Variants in NXF1 observed in about 807,000 individuals in gnomAD.
NXF1 encodes the protein nuclear RNA export factor 1, also known as mRNA export factor TAP.
In NXF1, 43 loss-of-function variants were observed where a neutral mutation model predicts 92.4. The ratio of observed to expected loss-of-function variants is 0.47; its 90% CI spans 0.36 to 0.60. The LOEUF (loss-of-function observed/expected upper bound fraction) is 0.60. NXF1 is among the 20% of genes least tolerant of loss of function. The pLI, the probability that NXF1 is intolerant of heterozygous loss-of-function variation, is 0.00. For synonymous variants in NXF1, 288 were observed against 292.2 expected (o/e 0.99, Z 0.15); for missense variants, 576 against 793.0 (o/e 0.73, Z 3.29).
chr11:62,794,238 T>C lies in NXF1; in HGVS notation c.1760+20A>G, dbSNP rs760568773. ...GCCCTACTTCAGTGCATCCCCATCC[T>C]ACACATGCCCCGCACTCACTTCTGG... On this transcript the variant is annotated intron_variant, in intron 19 of 20. Coordinates refer to ENST00000294172, the MANE Select transcript of NXF1 (RefSeq NM_006362.5). 2 of 1,603,200 alleles carry C rather than the reference T, an allele frequency of 1.2e-6. No homozygotes were observed. The highest frequency in any genetic ancestry group is 1.7e-6 in the Non-Finnish European group (2 of 1,171,016).
intron 13 of NXF1, 108 bp from the exon 14 acceptor site, chr11:62,796,675 T>A: frequency 1.4e-6 from 1 of 726,062 alleles, no homozygotes; most frequent in Non-Finnish European, 2.4e-6. Context: ...CTCATGCCTG[T>A]AATCCCAGCA....
In NXF1 at chr11:62,802,268, TGAGA is replaced by T. The variant is rs1397543084; in HGVS notation, c.370-12_370-9del. The T allele has an allele frequency of 6.2e-7, 1 of 1,612,034 alleles. No homozygotes were observed. The highest frequency in any genetic ancestry group is 1.1e-5 in the South Asian group (1 of 91,006). On this transcript the variant is annotated splice_polypyrimidine_tract_variant and intron_variant, in intron 3 of 20. Coordinates refer to ENST00000294172, the MANE Select transcript of NXF1 (RefSeq NM_006362.5). ...CTTTCTGCCATAAGGAATCTAGAAA[TGAGA>T]GAAAGAGAAAAGAAGGGAATGATAA...
rs1415287127 is a variant in NXF1 at position 62,803,890 on chromosome 11, C to T, written c.117G>A (p.Arg39=). ...GAATACCAGAACCGCCTCTTCCAGACCTACGGTTTCCTTCACCATATTTCC... is the reference window on the plus strand; with the variant it reads ...GAATACCAGAACCGCCTCTTCCAGATCTACGGTTTCCTTCACCATATTTCC... The part of the protein sequence containing the change: ...FRWKYGEGNR[R]SGRGGSGIRS... Residue 39 remains arginine, a synonymous_variant, in exon 2 of 21, where the codon AGG becomes AGA. Coordinates refer to ENST00000294172, the MANE Select transcript of NXF1 (RefSeq NM_006362.5). The T allele has an allele frequency of 6.2e-7, 1 of 1,614,238 alleles. No individual in the cohort carries two copies. The highest frequency in any genetic ancestry group is 1.3e-5 in the African/African-American group (1 of 75,058).
At chr11:62,799,436 G>C (rs1487242492) in intron 10 of NXF1, 1 of 985,512 alleles carries the variant, frequency 1.0e-6, no homozygotes, top group African/African-American at 1.7e-5. Flanking sequence ...AAGGTGTGAG[G>C]GTTCAGGCCC....
chr11:62,797,507 C>A, intron 11 of NXF1, 121 bp from the exon 12 acceptor site: 1 of 833,346 alleles, frequency 1.2e-6, no homozygotes, highest in Non-Finnish European at 1.9e-6. Context: ...TGAGACCAGC[C>A]TGGCTGGACA....
At chr11:62,796,244 T>A in intron 15 of NXF1, 43 bp downstream of exon 15, 1 of 1,613,336 alleles carries the variant, frequency 6.2e-7, no homozygotes, top group Middle Eastern at 1.7e-4. Flanking sequence ...ACTGATTCCT[T>A]CCCATGCCCT....
At position 62,805,312 on chromosome 11, in the gene NXF1, C is replaced by G; in HGVS notation, c.28+17G>C. 1.2e-6 allele frequency: 2 copies of G among 1,600,586 alleles called. No homozygotes were observed. The highest frequency in any genetic ancestry group is 1.7e-6 in the Non-Finnish European group (2 of 1,174,376). Reference sequence around the variant, plus strand: ...CGCCCCAGATAGCCAGTTCCCGACCCGAAGACCAGCACTTACCGCTGTACG... The same window carrying G: ...CGCCCCAGATAGCCAGTTCCCGACCGGAAGACCAGCACTTACCGCTGTACG... On this transcript the variant is annotated intron_variant, in intron 1 of 20. Transcript: ENST00000294172.
At chr11:62,799,792 G>C (rs1017629227) in intron 10 of NXF1, 2 of 985,852 alleles carry the variant, frequency 2.0e-6, no homozygotes, top group Non-Finnish European at 2.4e-6. Flanking sequence ...GGAGAGCCCA[G>C]CTCATAGCAC....
At chr11:62,805,171 C>T (rs1211815911) in intron 1 of NXF1, 158 bp downstream of exon 1, 3 of 550,660 alleles carry the variant, frequency 5.4e-6, no homozygotes, top group East Asian at 3.7e-5. Context: ...CAGGAGTCAA[C>T]AACTCGGGTG....
rs2084466032 is a variant in NXF1, at chr11:62,800,387, T to C, written c.1006A>G (p.Thr336Ala). 6.2e-7 allele frequency: 1 copy of C among 1,613,926 alleles called. No homozygotes were observed. Among genetic ancestry groups the C allele is most frequent in the Non-Finnish European group, 8.5e-7 (1 of 1,179,918 alleles). Reference sequence around the variant, plus strand: ...CAGGCTACAACTGACCTGATGTAGGTGGACTGGTCTCGGAAGGTGTCACAC... The same window carrying C: ...CAGGCTACAACTGACCTGATGTAGGCGGACTGGTCTCGGAAGGTGTCACAC... Reference protein sequence around the residue: ...SLCDTFRDQSTYISAIRERFP... With the variant: ...SLCDTFRDQSAYISAIRERFP... The change falls in exon 10 of 21, where the codon ACC (threonine) becomes GCC (alanine). Residue 336 changes from threonine (T) to alanine (A), a missense_variant. Physicochemically the swap from Thr to Ala is moderately conservative, Grantham distance 58. This residue lies in a region of NXF1 where 425 missense variants were observed against 635.2 expected (regional missense o/e 0.67). Coordinates refer to ENST00000294172, the MANE Select transcript of NXF1 (RefSeq NM_006362.5).
chr11:62,805,036 C>T, intron 1 of NXF1: 1 of 326,602 alleles, frequency 3.1e-6, no homozygotes, highest in Non-Finnish European at 5.5e-6. Flanking sequence ...AAGGAAGAGT[C>T]AGGCCGCCAA....
rs537076271 is a variant in NXF1, at chr11:62,798,775, G to A, written c.1017-200C>T. ...GCACCCAGACATGGACTGCCTTGAAGGCTGTCTCTTTTCTCTCTGCCTGAC... is the reference window on the plus strand; with the variant it reads ...GCACCCAGACATGGACTGCCTTGAAAGCTGTCTCTTTTCTCTCTGCCTGAC... On this transcript the variant is annotated intron_variant, in intron 10 of 20. Transcript: ENST00000294172. 25 of 1,390,104 alleles carry A rather than the reference G, an allele frequency of 1.8e-5. No homozygotes were observed. The South Asian group carries it at 3.8e-4, about 21-fold the overall frequency. 86.1% of individuals were successfully genotyped at this position (1,390,104 alleles called of 1,614,324 possible). A position where few individuals can be genotyped will look rare whatever the true frequency, so the allele number is the denominator to read the frequency against.
chr11:62,804,696 T>C (rs1277556473), intron 1 of NXF1, among the ~76,000 whole-genome samples: 2 of 152,174 alleles, frequency 1.3e-5, no homozygotes, highest in Non-Finnish European at 2.9e-5. Context: ...CACTGAGAAC[T>C]TTCTCCAGTG....
chr11:62,800,103 T>G, intron 10 of NXF1: 1 of 1,297,382 alleles, frequency 7.7e-7, no homozygotes, highest in East Asian at 3.2e-5. Context: ...AACAACAGGG[T>G]AGGGAGATTC....
chr11:62,801,649 G>T lies in NXF1; in HGVS notation c.640-18C>A, dbSNP rs373437572. 3.3e-5 allele frequency: 54 copies of T among 1,613,798 alleles called. No homozygotes were observed. The highest frequency in any genetic ancestry group is 2.0e-4 in the Admixed American group (12 of 59,998). The stretch of plus-strand genomic sequence containing the variant: ...ATGATCAGCTAGAGGAAAAAGAAGG[G>T]TTTAGTGGTCACTGGGTTTGTGTGT... On this transcript the variant is annotated intron_variant, in intron 6 of 20. Transcript: ENST00000294172.
In NXF1 at chr11:62,799,911, C is replaced by T. The variant is rs489275; in HGVS notation, c.1016+466G>A. ...ATCCTGAGAAAAGGGTCCCTCTTGGCGCAAGGGCAAGAGGGGCCATCACAG... is the reference window on the plus strand; with the variant it reads ...ATCCTGAGAAAAGGGTCCCTCTTGGTGCAAGGGCAAGAGGGGCCATCACAG... On this transcript the variant is annotated intron_variant, in intron 10 of 20. Transcript: ENST00000294172. 4,413 of 987,788 alleles carry T rather than the reference C, an allele frequency of 4.5e-3. 142 individuals carry two copies. The African/African-American group carries it at 0.07, about 16-fold the overall frequency. 61.2% of individuals were successfully genotyped at this position (987,788 alleles called of 1,614,324 possible).
chr11:62,802,357 G>C (rs2084488675), intron 3 of NXF1, 97 bp from the exon 4 acceptor site: 16 of 969,722 alleles, frequency 1.6e-5, no homozygotes, highest in Non-Finnish European at 2.5e-5. Context: ...AACTTTTAAA[G>C]ACTATCTAAA....
intron 13 of NXF1, 38 bp downstream of exon 13, chr11:62,797,145 A>C: frequency 6.3e-7 from 1 of 1,580,570 alleles, no homozygotes. Flanking sequence ...ATTCCCCCTC[A>C]ACCTCGGGGT....
At chr11:62,792,779 C>A (rs1815870) in intron 19 of NXF1, 78 bp from the exon 20 acceptor site, 6 of 1,311,914 alleles carry the variant, frequency 4.6e-6, no homozygotes, top group East Asian at 2.3e-5. Context: ...ATAAAAGCAC[C>A]CAAGTTTGCC....
Sources: allele counts gnomAD v4.1 joint callset (sites outside exome capture counted in the v4.1 genomes callset), GRCh38; gene constraint gnomAD v4.1.1; regional missense constraint gnomAD v4.1.1; transcripts MANE v1.5; gene names NCBI Gene and HGNC (gene_info 2026-07-23, HGNC 2026-07-21).